Variants in PPP2R3A observed in about 807,000 individuals in gnomAD.
The protein encoded by PPP2R3A is serine/threonine-protein phosphatase 2A regulatory subunit B'' subunit alpha.
In PPP2R3A, 80 loss-of-function variants were observed where a neutral mutation model predicts 106.9. The ratio of observed to expected loss-of-function variants is 0.75; its 90% CI spans 0.62 to 0.90. PPP2R3A has a LOEUF of 0.90. Among genes scored for constraint, PPP2R3A ranks in the 40% least tolerant of loss-of-function variants. PPP2R3A has a pLI of 0.00. For synonymous variants in PPP2R3A, 483 were observed against 468.3 expected (o/e 1.03, Z -0.41); for missense variants, 1,386 against 1,350.4 (o/e 1.03, Z -0.41).
chr3:136,142,641 C>CCTAA (rs1326916629), intron 13 of PPP2R3A, among the ~76,000 whole-genome samples: 1 of 152,170 alleles, frequency 6.6e-6, no homozygotes, highest in Non-Finnish European at 1.5e-5. Flanking sequence ...TCACTTAACC[C>CCTAA]CTAACTCCAT....
chr3:136,008,416 A>AT (rs1933922225), intron 2 of PPP2R3A, among the ~76,000 whole-genome samples: 3 of 152,324 alleles, frequency 2.0e-5, no homozygotes, highest in Admixed American at 2.0e-4. Flanking sequence ...CTGGTGGCAA[A>AT]TAGGAATTTG....
intron 13 of PPP2R3A, among the ~76,000 whole-genome samples, chr3:136,133,149 A>T (rs1171665455): frequency 6.6e-6 from 1 of 152,196 alleles, no homozygotes; most frequent in Non-Finnish European, 1.5e-5. Context: ...AATTTTTAAA[A>T]ATTGATACAT....
chr3:136,075,827 A>G (rs1433302266), intron 6 of PPP2R3A, among the ~76,000 whole-genome samples: 4 of 152,218 alleles, frequency 2.6e-5, no homozygotes, highest in Non-Finnish European at 5.9e-5. Flanking sequence ...TTAATAATAT[A>G]TATTGAAATT....
intron 13 of PPP2R3A, among the ~76,000 whole-genome samples, chr3:136,137,070 GT>G (rs1169342297): frequency 6.6e-6 from 1 of 152,060 alleles, no homozygotes; most frequent in Non-Finnish European, 1.5e-5. Flanking sequence ...AACTAAATGT[GT>G]TACCTATATG....
intron 3 of PPP2R3A, 58 bp downstream of exon 3, chr3:136,027,156 C>G: frequency 6.8e-7 from 1 of 1,471,468 alleles, no homozygotes; most frequent in South Asian, 1.3e-5. Context: ...CTGATCCCCT[C>G]CCCTTCTCTA....
At chr3:136,086,905 A>G (rs1576492424) in intron 8 of PPP2R3A, among the ~76,000 whole-genome samples, 2 of 152,254 alleles carry the variant, frequency 1.3e-5, no homozygotes, top group East Asian at 1.9e-4. Flanking sequence ...TGCCTGGGGC[A>G]TCTGTTAAAG....
At chr3:136,085,461 A>G (rs944619138) in intron 8 of PPP2R3A, among the ~76,000 whole-genome samples, 7 of 152,170 alleles carry the variant, frequency 4.6e-5, no homozygotes, top group Admixed American at 3.3e-4. Flanking sequence ...GAACAGACTA[A>G]TACAGATGGG....
chr3:135,974,340 C>T (rs1307080046), intron 1 of PPP2R3A, among the ~76,000 whole-genome samples: 2 of 152,158 alleles, frequency 1.3e-5, no homozygotes, highest in Admixed American at 1.3e-4. Context: ...AAATGTATAT[C>T]TCCAAGTTAG....
At chr3:136,138,974 A>G (rs145418901) in intron 13 of PPP2R3A, among the ~76,000 whole-genome samples, 1 of 152,116 alleles carries the variant, frequency 6.6e-6, no homozygotes, top group African/African-American at 2.4e-5. Flanking sequence ...GCCTCCCCCA[A>G]AGTGCTGGGA....
Position 136,101,918 on chromosome 3 carries a change from G to A in PPP2R3A, c.2928-89G>A, listed in dbSNP as rs988296287. 8 of 1,346,726 alleles carry A rather than the reference G, an allele frequency of 5.9e-6. No homozygotes were observed. The African/African-American group carries it at 1.2e-4, about 20-fold the overall frequency. 83.4% of individuals were successfully genotyped at this position (1,346,726 alleles called of 1,614,324 possible). On this transcript the variant is annotated intron_variant, in intron 10 of 13. Coordinates refer to ENST00000264977, the MANE Select transcript of PPP2R3A (RefSeq NM_002718.5). Reference sequence around the variant, plus strand: ...TCTAAGCCTGAAGTGTATGTAATATGTAACTTTTACTTTAAAAGAAACATA... The same window carrying A: ...TCTAAGCCTGAAGTGTATGTAATATATAACTTTTACTTTAAAAGAAACATA...
chr3:136,040,891 C>T lies in PPP2R3A; in HGVS notation c.2295C>T (p.Pro765=), dbSNP rs769906319. 1 of 1,613,356 alleles carries T rather than the reference C, an allele frequency of 6.2e-7. No homozygotes were observed. The highest frequency in any genetic ancestry group is 1.1e-5 in the South Asian group (1 of 90,872). ...GCTGTCCTCTCTATTGGAAAGCCCCCATGTTCAGGGCTGCAGGGGGAGAGA... is the reference window on the plus strand; with the variant it reads ...GCTGTCCTCTCTATTGGAAAGCCCCTATGTTCAGGGCTGCAGGGGGAGAGA... ...VCGCPLYWKA[P]MFRAAGGEKT... The change falls in exon 4 of 14, where the codon CCC becomes CCT. Residue 765 remains proline (P), a synonymous_variant. Transcript: ENST00000264977.
intron 1 of PPP2R3A, among the ~76,000 whole-genome samples, chr3:135,987,126 GGGCTTCTGAGATACTT>G (rs777188082): frequency 2.0e-5 from 3 of 152,036 alleles, no homozygotes; most frequent in Non-Finnish European, 2.9e-5. Flanking sequence ...CACCTTCACT[GGGCTTCTGAGATACTT>G]GTCAAGAACT....
intron 3 of PPP2R3A, among the ~76,000 whole-genome samples, chr3:136,040,185 G>C (rs1340480430): frequency 1.3e-5 from 2 of 152,166 alleles, no homozygotes; most frequent in Admixed American, 1.3e-4. Flanking sequence ...ATGAATGAAG[G>C]ACATATATTA....
intron 13 of PPP2R3A, among the ~76,000 whole-genome samples, chr3:136,117,387 C>T (rs967613716): frequency 6.6e-6 from 1 of 152,052 alleles, no homozygotes; most frequent in African/African-American, 2.4e-5. Context: ...AAGATCAGAG[C>T]AGAACTGAAA....
intron 8 of PPP2R3A, 151 bp downstream of exon 8, chr3:136,082,572 A>T: frequency 2.5e-6 from 2 of 806,350 alleles, no homozygotes; most frequent in Non-Finnish European, 3.9e-6. Flanking sequence ...ATGAGTGAAG[A>T]TAATATAATT....
rs369831512 is a variant in PPP2R3A at position 136,131,812 on chromosome 3, C to A, written c.3330-13231C>A. ...ATTAAGAAAATGTGGTACATATACACCATGGAATACTATGCAGCCATAAAA... is the reference window on the plus strand; with the variant it reads ...ATTAAGAAAATGTGGTACATATACAACATGGAATACTATGCAGCCATAAAA... On this transcript the variant is annotated intron_variant, in intron 13 of 13. Coordinates refer to ENST00000264977, the MANE Select transcript of PPP2R3A (RefSeq NM_002718.5). Among the ~76,000 whole-genome samples, 31 of 152,292 alleles carry A rather than the reference C, an allele frequency of 2.0e-4. No homozygotes were observed. The East Asian group carries it at 4.6e-3, about 23-fold the overall frequency.
intron 10 of PPP2R3A, among the ~76,000 whole-genome samples, chr3:136,097,611 A>G (rs917159442): frequency 6.6e-6 from 1 of 152,188 alleles, no homozygotes; most frequent in African/African-American, 2.4e-5. Flanking sequence ...CAAGTAATTA[A>G]ATTATTTCAG....
At chr3:136,075,419 G>C (rs1936562377) in intron 6 of PPP2R3A, among the ~76,000 whole-genome samples, 1 of 152,168 alleles carries the variant, frequency 6.6e-6, no homozygotes, top group South Asian at 2.1e-4. Flanking sequence ...TGGTGCTCCT[G>C]CCTCAGCCAT....
intron 13 of PPP2R3A, among the ~76,000 whole-genome samples, chr3:136,130,310 C>T (rs970140168): frequency 1.3e-5 from 2 of 152,188 alleles, no homozygotes; most frequent in Non-Finnish European, 2.9e-5. Context: ...TAAGCAACTT[C>T]AGCAAAGTCT....
Sources: allele counts gnomAD v4.1 joint callset (sites outside exome capture counted in the v4.1 genomes callset), GRCh38; gene constraint gnomAD v4.1.1; transcripts MANE v1.5; gene names NCBI Gene and HGNC (gene_info 2026-07-23, HGNC 2026-07-21).